Variants in RAPGEF6 observed in about 807,000 individuals in gnomAD.
RAPGEF6 encodes PDZ domain containing guanine nucleotide exchange factor (GEF) 2.
In RAPGEF6, 56 loss-of-function variants were observed where a neutral mutation model predicts 171.4. The ratio of observed to expected loss-of-function variants is 0.33; its 90% CI spans 0.26 to 0.41. The LOEUF (loss-of-function observed/expected upper bound fraction) is 0.41. RAPGEF6 is among the 10% of genes least tolerant of loss of function. The pLI, the probability that RAPGEF6 is intolerant of heterozygous loss-of-function variation, is 1.00. For synonymous variants in RAPGEF6, 692 were observed against 650.1 expected (o/e 1.06, Z -0.98); for missense variants, 1,674 against 1,921.4 (o/e 0.87, Z 2.41).
At chr5:131,470,331 CAAGTT>C (rs929619207) in intron 17 of RAPGEF6, among the ~76,000 whole-genome samples, 2 of 152,166 alleles carry the variant, frequency 1.3e-5, no homozygotes, top group African/African-American at 2.4e-5. Context: ...AACTTGAAAT[CAAGTT>C]AAGTAACACA....
At chr5:131,600,850 G>A (rs766140295) in intron 3 of RAPGEF6, among the ~76,000 whole-genome samples, 1 of 151,904 alleles carries the variant, frequency 6.6e-6, no homozygotes, top group Non-Finnish European at 1.5e-5. Context: ...GAAAATCTTC[G>A]CAATCATGAA....
At chr5:131,571,445 A>C (rs1419172601) in intron 4 of RAPGEF6, among the ~76,000 whole-genome samples, 1 of 152,232 alleles carries the variant, frequency 6.6e-6, no homozygotes, top group Non-Finnish European at 1.5e-5. Context: ...CTTACGTACA[A>C]AAATACTAAA....
intron 22 of RAPGEF6, among the ~76,000 whole-genome samples, chr5:131,443,832 G>A (rs149808725): frequency 3.3e-5 from 5 of 152,310 alleles, no homozygotes; most frequent in African/African-American, 1.2e-4. Context: ...GAAAACAGAT[G>A]CTTAATGGGT....
At chr5:131,601,340 A>G (rs1764243761) in intron 3 of RAPGEF6, among the ~76,000 whole-genome samples, 1 of 150,954 alleles carries the variant, frequency 6.6e-6, no homozygotes, top group Non-Finnish European at 1.5e-5. Flanking sequence ...AGCCAAGGTC[A>G]CACCATTGCA....
At chr5:131,621,078 G>A (rs762131373) in intron 1 of RAPGEF6, among the ~76,000 whole-genome samples, 65 of 152,216 alleles carry the variant, frequency 4.3e-4, no homozygotes, top group Middle Eastern at 3.4e-3. Context: ...CATACCATAC[G>A]TATCCTGTGG....
At chr5:131,501,854 T>C (rs758135618) in intron 11 of RAPGEF6, among the ~76,000 whole-genome samples, 22 of 152,248 alleles carry the variant, frequency 1.4e-4, no homozygotes, top group Non-Finnish European at 1.2e-4. Context: ...GGTTGTTTAA[T>C]ATATATATAA....
Position 131,428,974 on chromosome 5 carries a change from G to T in RAPGEF6, c.4708C>A (p.Pro1570Thr), listed in dbSNP as rs371039822. 4 of 1,614,046 alleles carry T rather than the reference G, an allele frequency of 2.5e-6. No individual in the cohort carries two copies. In the African/African-American group the frequency reaches 5.3e-5, roughly 22 times the overall value. The change falls in exon 27 of 28, where the codon CCT becomes ACT. Residue 1570 changes from proline (P) to threonine (T), a missense_variant. Pro to Thr is a conservative substitution (Grantham distance 38, BLOSUM62 -1). This residue lies in a region of RAPGEF6 where 552 missense variants were observed against 574.2 expected (regional missense o/e 0.96). Transcript: ENST00000509018. ...ACVPSKIVTQ[P>T]QRHNLQPFHP... ...AATGGCTGCAAATTATGCCTCTGAG[G>T]CTGAGTTACAATCTTCGATGGAACA... is the stretch of plus-strand genomic sequence containing the variant.
intron 1 of RAPGEF6, among the ~76,000 whole-genome samples, chr5:131,608,984 T>G (rs1301962937): frequency 6.6e-6 from 1 of 152,168 alleles, no homozygotes; most frequent in East Asian, 1.9e-4. Context: ...AGAGACAAGG[T>G]CTTGCTTTGC....
intron 5 of RAPGEF6, among the ~76,000 whole-genome samples, chr5:131,553,928 T>C (rs879420562): frequency 2.1e-5 from 3 of 140,150 alleles, no homozygotes; most frequent in East Asian, 4.2e-4. Flanking sequence ...AAAAAAAAAA[T>C]GTCAAGAAGA....
intron 7 of RAPGEF6, among the ~76,000 whole-genome samples, chr5:131,517,952 AT>A (rs915074356): frequency 1.5e-4 from 22 of 150,556 alleles, no homozygotes; most frequent in African/African-American, 4.4e-4. Flanking sequence ...ATATTTTCCA[AT>A]TTTTTTTTCA....
At chr5:131,604,774 A>G in intron 1 of RAPGEF6, 81 bp from the exon 2 acceptor site, 2 of 1,459,530 alleles carry the variant, frequency 1.4e-6, no homozygotes, top group Non-Finnish European at 1.8e-6. Flanking sequence ...TCTGATTTTA[A>G]GCAAACAACC....
intron 12 of RAPGEF6, 95 bp from the exon 13 acceptor site, chr5:131,495,755 G>C (rs1756601428): frequency 1.4e-6 from 2 of 1,468,444 alleles, no homozygotes; most frequent in Non-Finnish European, 1.8e-6. Flanking sequence ...ATGAAGAACT[G>C]ACAACCCTCT....
chr5:131,445,807 G>A lies in RAPGEF6; in HGVS notation c.3421+676C>T, dbSNP rs558873018. Among the ~76,000 whole-genome samples, 11 of 152,062 alleles carry A rather than the reference G, an allele frequency of 7.2e-5. No individual in the cohort carries two copies. In the East Asian group the frequency reaches 2.1e-3, roughly 29 times the overall value. On this transcript the variant is annotated intron_variant, in intron 22 of 27. Coordinates refer to ENST00000509018, the MANE Select transcript of RAPGEF6 (RefSeq NM_016340.6). ...TGGCCTCAAGTGATCCTCCTGCCTA[G>A]GTTTCTAGGTGTGACCCACCACGCC... is the stretch of plus-strand genomic sequence containing the variant.
chr5:131,477,793 T>C (rs1208818174), intron 16 of RAPGEF6, among the ~76,000 whole-genome samples: 1 of 152,182 alleles, frequency 6.6e-6, no homozygotes, highest in Non-Finnish European at 1.5e-5. Flanking sequence ...AAGAAAGATC[T>C]ATTCCAGACA....
intron 24 of RAPGEF6, among the ~76,000 whole-genome samples, chr5:131,437,035 T>C (rs1752054387): frequency 6.6e-6 from 1 of 152,150 alleles, no homozygotes; most frequent in South Asian, 2.1e-4. Flanking sequence ...CAGGAACAGA[T>C]CCTAATAATT....
intron 4 of RAPGEF6, among the ~76,000 whole-genome samples, chr5:131,581,973 G>C (rs1229414153): frequency 6.6e-6 from 1 of 152,116 alleles, no homozygotes; most frequent in Non-Finnish European, 1.5e-5. Flanking sequence ...CAGCCCTTGA[G>C]AATGTACTTT....
chr5:131,504,877 T>A (rs1037218874), intron 10 of RAPGEF6, 99 bp from the exon 11 acceptor site: 3 of 1,129,620 alleles, frequency 2.7e-6, no homozygotes, highest in Non-Finnish European at 2.4e-6. Flanking sequence ...TCTAGCGGCA[T>A]TAGTTCTTTT....
intron 24 of RAPGEF6, among the ~76,000 whole-genome samples, chr5:131,437,397 C>T (rs922418203): frequency 2.0e-5 from 3 of 152,234 alleles, no homozygotes; most frequent in Admixed American, 6.5e-5. Context: ...CATAAAATAC[C>T]AAATCAGCTA....
chr5:131,502,264 C>A (rs1417766912), intron 11 of RAPGEF6, among the ~76,000 whole-genome samples: 1 of 152,140 alleles, frequency 6.6e-6, no homozygotes, highest in Non-Finnish European at 1.5e-5. Context: ...ATCACCATTT[C>A]AGACAAGAAT....
Sources: gnomAD v4.1 joint callset for allele counts (sites outside exome capture counted in the v4.1 genomes callset) on GRCh38, gnomAD v4.1.1 for gene constraint, gnomAD v4.1.1 regional missense constraint, MANE v1.5 for transcripts, NCBI Gene and HGNC (gene_info 2026-07-23, HGNC 2026-07-21) for gene names.